CERT1: variants seen among roughly 807,000 people sequenced by gnomAD.
CERT1 encodes ceramide transfer protein.
Under a neutral mutation model 87.9 loss-of-function variants are expected in CERT1, and 31 were observed. The observed-to-expected ratio is 0.35, with a 90% CI of 0.27 to 0.48. The LOEUF (loss-of-function observed/expected upper bound fraction) is 0.48, where lower values mean the gene tolerates loss of function less well. CERT1 is among the 20% of genes least tolerant of loss of function. The probability of loss-of-function intolerance (pLI) is 0.99; values close to 1 mark genes in which losing one functional copy is unlikely to be tolerated. For synonymous variants in CERT1, 289 were observed against 250.9 expected, an observed-to-expected ratio of 1.15 and a Z score of -1.44; for missense variants, 487 against 758.0, an observed-to-expected ratio of 0.64 and a Z score of 4.20.
At chr5:75,383,132 A>G (rs1006286991) in intron 14 of CERT1, among the ~76,000 whole-genome samples, 4 of 152,084 alleles carry the variant, frequency 2.6e-5, no homozygotes, top group South Asian at 4.1e-4. Context: ...CTTAATGAGT[A>G]CGGAGTTTCT....
At chr5:75,381,810 T>A in intron 15 of CERT1, 139 bp downstream of exon 15, 1 of 796,608 alleles carries the variant, frequency 1.3e-6, no homozygotes, top group Non-Finnish European at 2.0e-6. Flanking sequence ...ATACTGTTCC[T>A]AGCAGTCAAT....
Sources: allele counts gnomAD v4.1 joint callset (sites outside exome capture counted in the v4.1 genomes callset), GRCh38; gene constraint gnomAD v4.1.1; transcripts MANE v1.5; gene names NCBI Gene and HGNC (gene_info 2026-07-23, HGNC 2026-07-21).